Variants in BRINP3 observed in about 807,000 individuals in gnomAD.
The protein encoded by BRINP3 is BMP/retinoic acid inducible neural specific 3.
BRINP3 carries 19 observed loss-of-function variants against 71.0 expected under a neutral mutation model. That is an observed-to-expected ratio of 0.27 (90% CI 0.19 to 0.39). The LOEUF is 0.39. Ranked by LOEUF, BRINP3 falls within the 10% of genes least tolerant of loss-of-function variation. The pLI is 1.00. For synonymous variants in BRINP3, 380 were observed against 337.7 expected, an observed-to-expected ratio of 1.13 and a Z score of -1.37; for missense variants, 959 against 940.8, an observed-to-expected ratio of 1.02 and a Z score of -0.25.
chr1:190,252,770 C>T (rs1660263036), intron 4 of BRINP3, among the ~76,000 whole-genome samples: 1 of 151,168 alleles, frequency 6.6e-6, no homozygotes, highest in African/African-American at 2.4e-5. Flanking sequence ...CTTTCAGATG[C>T]TAGTTTATTA....
chr1:190,300,125 G>C (rs1375250626), intron 2 of BRINP3, among the ~76,000 whole-genome samples: 1 of 152,058 alleles, frequency 6.6e-6, no homozygotes, highest in Non-Finnish European at 1.5e-5. Flanking sequence ...AGTTCTCCTG[G>C]ATAATATCCT....
chr1:190,436,920 T>G (rs1674501660), intron 2 of BRINP3, among the ~76,000 whole-genome samples: 1 of 151,826 alleles, frequency 6.6e-6, no homozygotes, highest in Non-Finnish European at 1.5e-5. Flanking sequence ...CTATATTTAC[T>G]CTCAACAAAC....
intron 2 of BRINP3, among the ~76,000 whole-genome samples, chr1:190,349,740 T>C (rs1335916076): frequency 6.6e-6 from 1 of 152,092 alleles, no homozygotes; most frequent in Non-Finnish European, 1.5e-5. Context: ...CATTCTAAAA[T>C]ATGAAAAGTA....
At chr1:190,259,612 CAAAAAATAAATA>C (rs1284263486) in intron 4 of BRINP3, among the ~76,000 whole-genome samples, 2,748 of 115,970 alleles carry the variant, frequency 0.024, 46 homozygotes, top group Non-Finnish European at 0.034. Context: ...GAGAATTAGG[CAAAAAATAAATA>C]AATAAATAAA....
chr1:190,243,381 T>TA (rs1328189501), intron 4 of BRINP3, among the ~76,000 whole-genome samples: 1 of 152,180 alleles, frequency 6.6e-6, no homozygotes, highest in East Asian at 1.9e-4. Context: ...ACAGCAACTA[T>TA]AAAAAATACA....
In BRINP3 at chr1:190,383,164, C is replaced by T. The variant is rs759772845; in HGVS notation, c.236+71491G>A. Among the ~76,000 whole-genome samples the T allele has an allele frequency of 5.5e-4, 83 of 152,124 alleles. 1 individual carries two copies. Among genetic ancestry groups the T allele is most frequent in the Non-Finnish European group, 1.0e-3 (68 of 68,002 alleles). The stretch of plus-strand genomic sequence containing the variant: ...TCTAACTGGGTGCTTTGTATGAGAT[C>T]GTTAACAAAGTAATGCCTCTTGTTT... On this transcript the variant is annotated intron_variant, in intron 2 of 7. Coordinates refer to ENST00000367462, the MANE Select transcript of BRINP3 (RefSeq NM_199051.3).
At chr1:190,302,846 A>T (rs1664833036) in intron 2 of BRINP3, 1 of 151,878 alleles carries the variant, frequency 6.6e-6, no homozygotes, top group South Asian at 2.1e-4. Context: ...AATATAGAAA[A>T]TATTTATTTA....
intron 2 of BRINP3, among the ~76,000 whole-genome samples, chr1:190,284,831 ATTATAG>A (rs1481019695): frequency 1.3e-5 from 2 of 152,066 alleles, no homozygotes; most frequent in African/African-American, 2.4e-5. Flanking sequence ...TAACTAAATA[ATTATAG>A]TTATTGTTAA....
At chr1:190,367,616 G>C (rs780388614) in intron 2 of BRINP3, among the ~76,000 whole-genome samples, 18 of 152,140 alleles carry the variant, frequency 1.2e-4, no homozygotes, top group Admixed American at 6.5e-5. Context: ...GGCTACAAAT[G>C]TTCCAAACTT....
intron 3 of BRINP3, among the ~76,000 whole-genome samples, chr1:190,265,840 A>T (rs1661614406): frequency 6.6e-6 from 1 of 152,232 alleles, no homozygotes. Context: ...TTTAAAATTC[A>T]GATAAAGCAT....
chr1:190,373,514 A>G (rs935456635), intron 2 of BRINP3, among the ~76,000 whole-genome samples: 1 of 151,818 alleles, frequency 6.6e-6, no homozygotes, highest in Non-Finnish European at 1.5e-5. Context: ...ACACACACAC[A>G]TATTTATACC....
chr1:190,170,840 A>G (rs1253793655), intron 6 of BRINP3, among the ~76,000 whole-genome samples: 2 of 152,108 alleles, frequency 1.3e-5, no homozygotes, highest in African/African-American at 2.4e-5. Flanking sequence ...ACATTAGTAA[A>G]ATTTACATTC....
chr1:190,318,782 C>A (rs1316024419), intron 2 of BRINP3, among the ~76,000 whole-genome samples: 2 of 151,914 alleles, frequency 1.3e-5, no homozygotes, highest in African/African-American at 4.8e-5. Flanking sequence ...TTCATTCTGT[C>A]TTTCACTTAT....
At chr1:190,354,552 A>C (rs1467891196) in intron 2 of BRINP3, among the ~76,000 whole-genome samples, 1 of 152,014 alleles carries the variant, frequency 6.6e-6, no homozygotes, top group East Asian at 1.9e-4. Flanking sequence ...TAAATACTAC[A>C]GTGAACTATT....
intron 2 of BRINP3, among the ~76,000 whole-genome samples, chr1:190,419,663 A>C (rs1673232225): frequency 6.7e-6 from 1 of 148,318 alleles, no homozygotes; most frequent in Non-Finnish European, 1.5e-5. Context: ...TCCTAGTTTT[A>C]AAACGTTATA....
intron 6 of BRINP3, among the ~76,000 whole-genome samples, chr1:190,166,051 A>G (rs1405108937): frequency 6.6e-6 from 1 of 152,198 alleles, no homozygotes; most frequent in African/African-American, 2.4e-5. Flanking sequence ...GAAATTTCCC[A>G]ATATCTACAG....
intron 7 of BRINP3, among the ~76,000 whole-genome samples, chr1:190,145,278 C>A (rs1655789805): frequency 6.6e-6 from 1 of 152,100 alleles, no homozygotes; most frequent in South Asian, 2.1e-4. Context: ...GTAACTTTAA[C>A]TTTTTGTATG....
chr1:190,198,722 GT>G (rs1654720959), intron 6 of BRINP3, among the ~76,000 whole-genome samples: 1 of 152,058 alleles, frequency 6.6e-6, no homozygotes, highest in Non-Finnish European at 1.5e-5. Context: ...GACCACCTCA[GT>G]CTCGATATTA....
chr1:190,177,143 C>T (rs1171867280), intron 6 of BRINP3, among the ~76,000 whole-genome samples: 2 of 147,378 alleles, frequency 1.4e-5, no homozygotes, highest in African/African-American at 5.0e-5. Flanking sequence ...CATGGAAGCA[C>T]CCACTTCTTT....
Sources: gnomAD v4.1 joint callset for allele counts (sites outside exome capture counted in the v4.1 genomes callset) on GRCh38, gnomAD v4.1.1 for gene constraint, MANE v1.5 for transcripts, NCBI Gene and HGNC (gene_info 2026-07-23, HGNC 2026-07-21) for gene names.